Variants in PIK3R4 observed in about 807,000 individuals in gnomAD.
The protein encoded by PIK3R4 is phosphoinositide-3-kinase regulatory subunit 4.
Under a neutral mutation model 136.5 loss-of-function variants are expected in PIK3R4, and 46 were observed. That is an observed-to-expected ratio of 0.34 (90% CI 0.27 to 0.43). PIK3R4 has a LOEUF of 0.43. Ranked by LOEUF, PIK3R4 falls within the 20% of genes least tolerant of loss-of-function variation. PIK3R4 has a pLI of 1.00. For synonymous variants in PIK3R4, 557 were observed against 566.7 expected (o/e 0.98, Z 0.24); for missense variants, 1,331 against 1,649.5 (o/e 0.81, Z 3.35).
intron 13 of PIK3R4, among the ~76,000 whole-genome samples, chr3:130,691,133 G>A (rs2107602170): frequency 6.6e-6 from 1 of 152,072 alleles, no homozygotes; most frequent in Middle Eastern, 3.4e-3. Flanking sequence ...TTTCTAATGA[G>A]AACTCCCATA....
At chr3:130,707,733 C>G (rs987089356) in intron 10 of PIK3R4, among the ~76,000 whole-genome samples, 2 of 152,048 alleles carry the variant, frequency 1.3e-5, no homozygotes, top group Non-Finnish European at 2.9e-5. Flanking sequence ...AATATATGTG[C>G]AAAAAGGGTA....
rs2066783650 is a variant in PIK3R4, at chr3:130,735,970, C to A, written c.766G>T (p.Val256Leu). 1.9e-6 allele frequency: 3 copies of A among 1,611,252 alleles called. No homozygotes were observed. Among genetic ancestry groups the A allele is most frequent in the African/African-American group, 1.3e-5 (1 of 74,860 alleles). ...AGTTGAGAGAGATCAAATAATGGTA[C>A]ACCTTCTGTAAAAAGCTCAGCTATC... ...CVIAELFTEG[V>L]PLFDLSQLLA... The change falls in exon 3 of 20, where the codon GTA becomes TTA. Residue 256 changes from valine (V) to leucine (L), a missense_variant. This residue lies in a region of PIK3R4 where 1,180 missense variants were observed against 1,407.0 expected (regional missense o/e 0.84). Coordinates refer to ENST00000356763, the MANE Select transcript of PIK3R4 (RefSeq NM_014602.3).
intron 14 of PIK3R4, 127 bp downstream of exon 14, chr3:130,690,363 G>T (rs2066509557): frequency 9.2e-6 from 4 of 432,914 alleles, no homozygotes; most frequent in Non-Finnish European, 1.6e-5. Flanking sequence ...TATTTTATGG[G>T]CTTAAAAAAA....
At chr3:130,700,799 C>T (rs1182223009) in intron 13 of PIK3R4, among the ~76,000 whole-genome samples, 2 of 152,176 alleles carry the variant, frequency 1.3e-5, no homozygotes, top group African/African-American at 2.4e-5. Context: ...TTCCTTCTCC[C>T]CTCACCAGTC....
intron 13 of PIK3R4, among the ~76,000 whole-genome samples, chr3:130,699,362 G>T (rs535775060): frequency 6.6e-6 from 1 of 152,298 alleles, no homozygotes; most frequent in African/African-American, 2.4e-5. Context: ...TGGCACAGAG[G>T]TCAAATAGTG....
At chr3:130,690,784 C>T in intron 13 of PIK3R4, 130 bp from the exon 14 acceptor site, 2 of 568,574 alleles carry the variant, frequency 3.5e-6, no homozygotes, top group East Asian at 3.0e-5. Flanking sequence ...AGGACAAAAA[C>T]AAGAATTTCC....
intron 6 of PIK3R4, among the ~76,000 whole-genome samples, chr3:130,726,547 T>A (rs2066733332): frequency 6.6e-6 from 1 of 152,030 alleles, no homozygotes; most frequent in African/African-American, 2.4e-5. Flanking sequence ...CTCTTAACGA[T>A]CAGCATATGA....
intron 7 of PIK3R4, among the ~76,000 whole-genome samples, chr3:130,718,743 G>A (rs1256792371): frequency 1.3e-5 from 2 of 152,040 alleles, no homozygotes; most frequent in Non-Finnish European, 2.9e-5. Context: ...TATCACAGCA[G>A]TACCACAAAA....
At chr3:130,746,133 AC>A (rs2066852045) in intron 1 of PIK3R4, among the ~76,000 whole-genome samples, 184 bp downstream of exon 1, 1 of 152,162 alleles carries the variant, frequency 6.6e-6, no homozygotes, top group Non-Finnish European at 1.5e-5. Context: ...GTGCCCTCTC[AC>A]CCAGCTAAAA....
In PIK3R4 at chr3:130,716,485, G is replaced by C; in HGVS notation, c.2242C>G (p.Arg748Gly). ...ITSLFRHLHM[R>G]QKKRNGSLPD... Reference sequence around the variant, plus strand: ...AGAGAACCATTTCGTTTCTTCTGACGCATGTGAAGATGTCTGAACAAGCTA... The same window carrying C: ...AGAGAACCATTTCGTTTCTTCTGACCCATGTGAAGATGTCTGAACAAGCTA... Residue 748 changes from arginine to glycine, a missense_variant, in exon 9 of 20, where the codon CGT becomes GGT. Transcript: ENST00000356763. 1 of 1,613,918 alleles carries C rather than the reference G, an allele frequency of 6.2e-7. No individual in the cohort carries two copies. The highest frequency in any genetic ancestry group is 8.5e-7 in the Non-Finnish European group (1 of 1,179,838).
chr3:130,719,712 T>A (rs893029028), intron 7 of PIK3R4, among the ~76,000 whole-genome samples: 1 of 152,196 alleles, frequency 6.6e-6, no homozygotes, highest in Non-Finnish European at 1.5e-5. Flanking sequence ...TTTACCCCAA[T>A]TCTTAACTTC....
intron 4 of PIK3R4, among the ~76,000 whole-genome samples, chr3:130,731,901 G>C (rs2066761878): frequency 6.6e-6 from 1 of 152,198 alleles, no homozygotes; most frequent in Non-Finnish European, 1.5e-5. Flanking sequence ...ACGTTTGGAG[G>C]ATGGCTTGAG....
intron 15 of PIK3R4, among the ~76,000 whole-genome samples, chr3:130,684,945 A>C (rs1276112337): frequency 3.3e-5 from 5 of 152,248 alleles, no homozygotes; most frequent in African/African-American, 1.2e-4. Flanking sequence ...TATAAACTAC[A>C]TAAAAAGTAA....
intron 13 of PIK3R4, among the ~76,000 whole-genome samples, chr3:130,690,913 T>A (rs113036166): frequency 1.4e-5 from 2 of 147,580 alleles, no homozygotes; most frequent in South Asian, 4.4e-4. Context: ...TTTTTTTTTT[T>A]CTGAGACAGG....
intron 7 of PIK3R4, among the ~76,000 whole-genome samples, chr3:130,721,036 C>CT (rs200036168): frequency 1.5e-4 from 22 of 149,604 alleles, no homozygotes; most frequent in Middle Eastern, 3.4e-3. Context: ...AACCCTGTGT[C>CT]TTAAAAAAAA....
intron 7 of PIK3R4, among the ~76,000 whole-genome samples, chr3:130,722,960 G>C (rs11716754): frequency 2.7e-5 from 4 of 145,956 alleles, no homozygotes; most frequent in African/African-American, 1.0e-4. Context: ...AGCTACTCAG[G>C]AGGCTGAGGC....
rs1339122184 is a variant in PIK3R4, at chr3:130,681,034, C to T, written c.3740G>A (p.Cys1247Tyr). 1.9e-6 allele frequency: 3 copies of T among 1,597,006 alleles called. No homozygotes were observed. In the Admixed American group the frequency reaches 5.0e-5, roughly 27 times the overall value. ...PSPHSVHGIY[C>Y]SPADGNPILL... is the part of the protein sequence containing the mutation. ...GATAGGATTTCCATCTGCAGGACTA[C>T]AGTAGATACCATGGACGCTATGAGG... The change falls in exon 18 of 20, where the codon TGT (cysteine) becomes TAT (tyrosine). Residue 1247 changes from cysteine (C) to tyrosine (Y), a missense_variant. Transcript: ENST00000356763.
intron 13 of PIK3R4, among the ~76,000 whole-genome samples, chr3:130,693,305 CTT>C (rs955048077): frequency 6.6e-6 from 1 of 152,078 alleles, no homozygotes; most frequent in Non-Finnish European, 1.5e-5. Context: ...TTTCAACTGT[CTT>C]GGGTATATAG....
rs143050726 is a variant in PIK3R4, at chr3:130,705,085, C to G, written c.2932+476G>C. Among the ~76,000 whole-genome samples, 1,480 of 152,282 alleles carry G rather than the reference C, an allele frequency of 9.7e-3. 33 individuals carry two copies. Among genetic ancestry groups the G allele is most frequent in the African/African-American group, 0.033 (1,365 of 41,538 alleles). ...ACCTCAAGTGATCCGTCCACCTCAG[C>G]CTCCCAAAGTGCTGGGATTACAGGC... On this transcript the variant is annotated intron_variant, in intron 12 of 19. Transcript: ENST00000356763.
Sources: gnomAD v4.1 joint callset for allele counts (sites outside exome capture counted in the v4.1 genomes callset) on GRCh38, gnomAD v4.1.1 for gene constraint, gnomAD v4.1.1 regional missense constraint, MANE v1.5 for transcripts, NCBI Gene and HGNC (gene_info 2026-07-23, HGNC 2026-07-21) for gene names.